ADAMTS19: variants seen among roughly 807,000 people sequenced by gnomAD.
ADAMTS19 encodes ADAM metallopeptidase with thrombospondin type 1 motif 19.
In ADAMTS19, 93 loss-of-function variants were observed where a neutral mutation model predicts 153.3. The observed-to-expected ratio is 0.61, with a 90% CI of 0.51 to 0.72. The LOEUF is 0.72. Ranked by LOEUF, ADAMTS19 falls within the 30% of genes least tolerant of loss-of-function variation. The pLI is 0.00. For missense variants in ADAMTS19, 1,482 were observed against 1,552.1 expected, an observed-to-expected ratio of 0.95 and a Z score of 0.76; for synonymous variants, 600 against 556.6, an observed-to-expected ratio of 1.08 and a Z score of -1.10.
At chr5:129,471,842 C>T (rs1007532508) in intron 2 of ADAMTS19, among the ~76,000 whole-genome samples, 27 of 152,174 alleles carry the variant, frequency 1.8e-4, no homozygotes, top group African/African-American at 6.3e-4. Context: ...TGCTAAGGAT[C>T]ATGGCCTCCA....
chr5:129,733,332 T>A (rs946967999), intron 21 of ADAMTS19, among the ~76,000 whole-genome samples: 5 of 152,190 alleles, frequency 3.3e-5, no homozygotes, highest in African/African-American at 1.2e-4. Flanking sequence ...AAAGAGCTTC[T>A]GCACAGCAAA....
intron 2 of ADAMTS19, among the ~76,000 whole-genome samples, chr5:129,504,741 T>C (rs1751213402): frequency 6.6e-6 from 1 of 152,070 alleles, no homozygotes; most frequent in African/African-American, 2.4e-5. Context: ...ACATGTGAGA[T>C]TGTGCAGTAT....
At chr5:129,615,985 T>C (rs1751503278) in intron 8 of ADAMTS19, among the ~76,000 whole-genome samples, 1 of 151,986 alleles carries the variant, frequency 6.6e-6, no homozygotes, top group African/African-American at 2.4e-5. Context: ...GATAAACCTG[T>C]AATATAATGC....
At chr5:129,471,095 G>A (rs1750049471) in intron 2 of ADAMTS19, among the ~76,000 whole-genome samples, 1 of 149,936 alleles carries the variant, frequency 6.7e-6, no homozygotes, top group African/African-American at 2.5e-5. Flanking sequence ...TGGGGGCGGG[G>A]GTGGTGGGGG....
chr5:129,665,380 T>TGTA (rs1753999184), intron 15 of ADAMTS19, 119 bp from the exon 16 acceptor site: 2 of 721,782 alleles, frequency 2.8e-6, no homozygotes, highest in Admixed American at 3.5e-5. Flanking sequence ...TTTCTTTACG[T>TGTA]AAGTACTGAA....
intron 7 of ADAMTS19, among the ~76,000 whole-genome samples, chr5:129,594,935 T>C (rs1561591031): frequency 6.6e-6 from 1 of 152,056 alleles, no homozygotes; most frequent in African/African-American, 2.4e-5. Flanking sequence ...TATTCATCCA[T>C]CCGTCCACCT....
chr5:129,702,941 A>AAAAAATATATATATATAT, intron 20 of ADAMTS19, among the ~76,000 whole-genome samples: 6 of 29,298 alleles, frequency 2.0e-4, no homozygotes, highest in Admixed American at 4.6e-4. Context: ...AAAAAAAAAA[A>AAAAAATATATATATATAT]ATATATATAT....
chr5:129,515,434 T>C (rs1751569412), intron 3 of ADAMTS19, among the ~76,000 whole-genome samples: 1 of 152,194 alleles, frequency 6.6e-6, no homozygotes, highest in East Asian at 1.9e-4. Flanking sequence ...GAACATGGAA[T>C]ATCTTTCTAC....
intron 8 of ADAMTS19, among the ~76,000 whole-genome samples, chr5:129,612,343 A>G (rs1751272469): frequency 6.6e-6 from 1 of 151,774 alleles, no homozygotes; most frequent in African/African-American, 2.4e-5. Context: ...CATGGTGTAT[A>G]TGTGCCACAT....
intron 19 of ADAMTS19, among the ~76,000 whole-genome samples, chr5:129,697,055 G>A (rs1348513257): frequency 2.6e-5 from 4 of 152,188 alleles, no homozygotes; most frequent in Admixed American, 2.0e-4. Flanking sequence ...CCATTTCAAA[G>A]TATGTCAAAT....
At chr5:129,701,726 A>G in intron 20 of ADAMTS19, 134 bp downstream of exon 20, 2 of 680,820 alleles carry the variant, frequency 2.9e-6, no homozygotes, top group Non-Finnish European at 4.5e-6. Context: ...GTTGATGATT[A>G]AAGGAATACA....
chr5:129,460,560 G>A, intron 1 of ADAMTS19, 78 bp downstream of exon 1: 1 of 1,508,292 alleles, frequency 6.6e-7, no homozygotes, highest in African/African-American at 1.4e-5. Flanking sequence ...CGGCAGGGCT[G>A]GTGCAACCGG....
At chr5:129,535,850 G>T (rs959327121) in intron 6 of ADAMTS19, among the ~76,000 whole-genome samples, 1 of 152,116 alleles carries the variant, frequency 6.6e-6, no homozygotes, top group Admixed American at 6.6e-5. Flanking sequence ...GGGAAAACTG[G>T]CTAGCCATAT....
chr5:129,541,982 T>G lies in ADAMTS19; in HGVS notation c.1329-9882T>G, dbSNP rs190526403. Among the ~76,000 whole-genome samples, 1,089 of 152,270 alleles carry G rather than the reference T, an allele frequency of 7.2e-3. 14 individuals carry two copies. The highest frequency in any genetic ancestry group is 0.025 in the African/African-American group (1,045 of 41,562). On this transcript the variant is annotated intron_variant, in intron 6 of 22. Transcript: ENST00000274487. ...ATGCTAGAAAACCTTTCCATTCATC[T>G]TCATCTATAGTTATATTGAGACTCT...
At chr5:129,571,152 A>G (rs1163001931) in intron 7 of ADAMTS19, among the ~76,000 whole-genome samples, 1 of 151,932 alleles carries the variant, frequency 6.6e-6, no homozygotes, top group Non-Finnish European at 1.5e-5. Flanking sequence ...TATTGTTTAC[A>G]TAGAAAATAT....
chr5:129,737,192 G>A lies in ADAMTS19; in HGVS notation c.3616G>A (p.Ala1206Thr). The A allele has an allele frequency of 6.2e-7, 1 of 1,606,354 alleles. No homozygotes were observed. The highest frequency in any genetic ancestry group is 2.2e-5 in the East Asian group (1 of 44,658). Residue 1206 changes from alanine to threonine, a missense_variant, in exon 23 of 23, where the codon GCC becomes ACC. Ala to Thr is a moderately conservative substitution (Grantham distance 58). Around this residue, in one of 2 missense-constraint regions of ADAMTS19, gnomAD observed 616 missense variants for 724.4 expected, o/e 0.85. Coordinates refer to ENST00000274487, the MANE Select transcript of ADAMTS19 (RefSeq NM_133638.6). ...CTGTGAAACATGCAGGGACTTCTATGCCCAAAAGCTGCAGCAGAAGAGTTG... is the reference window on the plus strand; with the variant it reads ...CTGTGAAACATGCAGGGACTTCTATACCCAAAAGCTGCAGCAGAAGAGTTG... Reference protein sequence around the residue: ...RCCETCRDFYAQKLQQKS With the variant: ...RCCETCRDFYTQKLQQKS
At chr5:129,728,751 A>G (rs1233517887) in intron 21 of ADAMTS19, among the ~76,000 whole-genome samples, 1 of 152,176 alleles carries the variant, frequency 6.6e-6, no homozygotes, top group Non-Finnish European at 1.5e-5. Flanking sequence ...TGTTTTGTTA[A>G]TAAATGTTAT....
At chr5:129,463,344 T>G (rs1269596024) in intron 2 of ADAMTS19, among the ~76,000 whole-genome samples, 1 of 152,282 alleles carries the variant, frequency 6.6e-6, no homozygotes, top group East Asian at 1.9e-4. Flanking sequence ...GTTTTTTGTA[T>G]GTAACAAACC....
chr5:129,586,292 C>G (rs1749796577), intron 7 of ADAMTS19, among the ~76,000 whole-genome samples: 1 of 152,134 alleles, frequency 6.6e-6, no homozygotes, highest in African/African-American at 2.4e-5. Flanking sequence ...AGAGTAGTTT[C>G]TCTGCCTTAA....
Sources: allele counts gnomAD v4.1 joint callset (sites outside exome capture counted in the v4.1 genomes callset), GRCh38; gene constraint gnomAD v4.1.1; regional missense constraint gnomAD v4.1.1; transcripts MANE v1.5; gene names NCBI Gene and HGNC (gene_info 2026-07-23, HGNC 2026-07-21).